Variants in PRR14L observed in about 807,000 individuals in gnomAD.
PRR14L encodes the protein proline rich 14 like, also known as protein PRR14L.
Under a neutral mutation model 155.0 loss-of-function variants are expected in PRR14L, and 80 were observed. The observed-to-expected ratio is 0.52, with a 90% CI of 0.43 to 0.62. PRR14L has a LOEUF of 0.62. PRR14L is among the 20% of genes least tolerant of loss of function. PRR14L has a pLI of 0.00. For synonymous variants in PRR14L, 883 were observed against 916.0 expected (o/e 0.96, Z 0.65); for missense variants, 2,469 against 2,548.0 (o/e 0.97, Z 0.67).
chr22:31,689,214 G>C (rs2074498704), intron 7 of PRR14L, among the ~76,000 whole-genome samples: 1 of 152,086 alleles, frequency 6.6e-6, no homozygotes, highest in African/African-American at 2.4e-5. Context: ...CCAGGCATGG[G>C]GGCTCCCAAC....
chr22:31,724,718 T>C (rs2074707786), intron 3 of PRR14L, among the ~76,000 whole-genome samples: 1 of 152,180 alleles, frequency 6.6e-6, no homozygotes, highest in African/African-American at 2.4e-5. Context: ...GTATTAGCCT[T>C]GACACATAGA....
chr22:31,697,014 C>G (rs1190782665), intron 7 of PRR14L, among the ~76,000 whole-genome samples: 5 of 152,150 alleles, frequency 3.3e-5, no homozygotes, highest in Non-Finnish European at 7.4e-5. Flanking sequence ...ACGCGGGGGG[C>G]TGAGGCAGGA....
At chr22:31,734,887 C>T (rs2074770114) in intron 2 of PRR14L, among the ~76,000 whole-genome samples, 1 of 152,180 alleles carries the variant, frequency 6.6e-6, no homozygotes, top group African/African-American at 2.4e-5. Context: ...CCAGATAACA[C>T]ATTTCCCTTA....
At chr22:31,723,187 CTG>C (rs1377893672) in intron 3 of PRR14L, among the ~76,000 whole-genome samples, 2 of 152,124 alleles carry the variant, frequency 1.3e-5, no homozygotes, top group Non-Finnish European at 2.9e-5. Flanking sequence ...CTATACCAAA[CTG>C]AGACCCTTAT....
chr22:31,698,087 C>G (rs1331489910), intron 7 of PRR14L, among the ~76,000 whole-genome samples: 1 of 147,950 alleles, frequency 6.8e-6, no homozygotes, highest in Non-Finnish European at 1.5e-5. Context: ...TGGAGTGGCT[C>G]AATCATGGCT....
intron 1 of PRR14L, among the ~76,000 whole-genome samples, chr22:31,748,413 C>T (rs1228359193): frequency 2.7e-5 from 4 of 146,922 alleles, no homozygotes; most frequent in Non-Finnish European, 5.9e-5. Flanking sequence ...TAATAACATC[C>T]AGAAAAAGGA....
intron 3 of PRR14L, among the ~76,000 whole-genome samples, chr22:31,719,708 C>T (rs5998106): frequency 4.7e-4 from 71 of 151,996 alleles, no homozygotes; most frequent in African/African-American, 1.6e-3. Context: ...TGAAGCCAGA[C>T]CAGCTAAGCT....
At chr22:31,738,363 C>A (rs572712397) in intron 2 of PRR14L, 24 bp downstream of exon 2, 2 of 1,532,974 alleles carry the variant, frequency 1.3e-6, no homozygotes, top group Non-Finnish European at 1.8e-6. Flanking sequence ...CTCAACTCTT[C>A]GGAATGGAGA....
At position 31,681,943 on chromosome 22, in the gene PRR14L, GAAACA is replaced by G. The variant is rs1370199442; in HGVS notation, c.*3579_*3583del. ...CATGACACCAGGGGAAAAGCTTACA[GAAACA>G]AAACAGAACAAGGGAATTACAGAAA... On this transcript the variant is annotated 3_prime_UTR_variant, in exon 9 of 9. Coordinates refer to ENST00000327423, the MANE Select transcript of PRR14L (RefSeq NM_173566.3). 1.3e-5 allele frequency: 2 copies of G among 152,146 alleles called. No individual in the cohort carries two copies. Among genetic ancestry groups the G allele is most frequent in the Non-Finnish European group, 2.9e-5 (2 of 68,022 alleles). The allele number at this position is 152,146 out of a possible 1,614,324, so 9.4% of individuals were successfully genotyped here.
At chr22:31,720,606 G>A (rs1048019743) in intron 3 of PRR14L, among the ~76,000 whole-genome samples, 1 of 152,100 alleles carries the variant, frequency 6.6e-6, no homozygotes, top group Non-Finnish European at 1.5e-5. Context: ...ACGGTGGCAG[G>A]CACCTGTAAT....
intron 2 of PRR14L, 108 bp downstream of exon 2, chr22:31,738,279 G>C (rs975003478): frequency 6.3e-6 from 6 of 945,584 alleles, no homozygotes; most frequent in Non-Finnish European, 9.4e-6. Flanking sequence ...TCGACATTTC[G>C]GAAATGTTTC....
chr22:31,724,719 GAC>G (rs1443931210), intron 3 of PRR14L, among the ~76,000 whole-genome samples: 1 of 152,172 alleles, frequency 6.6e-6, no homozygotes, highest in African/African-American at 2.4e-5. Context: ...TATTAGCCTT[GAC>G]ACATAGACCT....
At chr22:31,732,527 T>C (rs2074755784) in intron 2 of PRR14L, among the ~76,000 whole-genome samples, 2 of 152,232 alleles carry the variant, frequency 1.3e-5, no homozygotes, top group South Asian at 2.1e-4. Flanking sequence ...ACTTCCATGG[T>C]AGACAATATT....
At position 31,713,759 on chromosome 22, in the gene PRR14L, G is replaced by C; in HGVS notation, c.4080C>G (p.Thr1360=). The C allele has an allele frequency of 6.4e-7, 1 of 1,552,254 alleles. No individual in the cohort carries two copies. Among genetic ancestry groups the C allele is most frequent in the Non-Finnish European group, 8.7e-7 (1 of 1,147,116 alleles). Residue 1360 remains threonine (T), a synonymous_variant, in exon 4 of 9, where the codon ACC becomes ACG. Coordinates refer to ENST00000327423, the MANE Select transcript of PRR14L (RefSeq NM_173566.3). ...CGGGATCGCCATCGCCAGTTTCTCT[G>C]GTAACCAACTCCTCAGATTGCTCCC... is the stretch of plus-strand genomic sequence containing the variant. ...TVGEQSEELV[T]RETGDGDPVS... is the part of the protein sequence containing the mutation.
intron 4 of PRR14L, among the ~76,000 whole-genome samples, chr22:31,710,609 T>A (rs1208882054): frequency 6.6e-6 from 1 of 151,996 alleles, no homozygotes; most frequent in East Asian, 1.9e-4. Flanking sequence ...CCCGCCACTA[T>A]GCCCGGCTAA....
chr22:31,706,184 A>G (rs1283098026), intron 4 of PRR14L, among the ~76,000 whole-genome samples: 1 of 151,580 alleles, frequency 6.6e-6, no homozygotes, highest in Non-Finnish European at 1.5e-5. Context: ...TACAAAAACT[A>G]GCTAGGCATG....
chr22:31,716,682 T>G lies in PRR14L; in HGVS notation c.1157A>C (p.Asp386Ala), dbSNP rs921494725. ...AGAAGCCAAGTTCTTCCCTTGATCA[T>G]CCCCCCTATAAAAATAAGAACTGTC... ...KTDSSYFYRG[D>A]DQGKNLASRE... The change falls in exon 4 of 9, where the codon GAT (aspartate) becomes GCT (alanine). Residue 386 changes from aspartate to alanine, a missense_variant. By Grantham distance (126) the Asp-to-Ala change is moderately radical. Transcript: ENST00000327423. The G allele has an allele frequency of 7.7e-6, 12 of 1,551,760 alleles. No homozygotes were observed. In the South Asian group the frequency reaches 1.4e-4, roughly 18 times the overall value.
At chr22:31,727,529 G>A (rs1470816691) in intron 2 of PRR14L, among the ~76,000 whole-genome samples, 2 of 151,730 alleles carry the variant, frequency 1.3e-5, no homozygotes, top group African/African-American at 2.4e-5. Context: ...GCCACCATGC[G>A]CGGCTGATTA....
intron 4 of PRR14L, among the ~76,000 whole-genome samples, chr22:31,706,428 C>CTTTTTTTTTTTTTTTTTT (rs771902267): frequency 7.0e-5 from 10 of 142,202 alleles, no homozygotes; most frequent in African/African-American, 1.4e-4. Context: ...TAAACTCTTC[C>CTTTTTTTTTTTTTTTTTT]TTTTTCTTTT....
Sources: gnomAD v4.1 joint callset for allele counts (sites outside exome capture counted in the v4.1 genomes callset) on GRCh38, gnomAD v4.1.1 for gene constraint, MANE v1.5 for transcripts, NCBI Gene and HGNC (gene_info 2026-07-23, HGNC 2026-07-21) for gene names.